ADIPOR2: variants seen among roughly 807,000 people sequenced by gnomAD.
The protein encoded by ADIPOR2 is adiponectin receptor 2.
ADIPOR2 carries 18 observed loss-of-function variants against 40.9 expected under a neutral mutation model. The observed-to-expected ratio is 0.44, with a 90% CI of 0.30 to 0.65. ADIPOR2 has a LOEUF of 0.65. Among genes scored for constraint, ADIPOR2 ranks in the 30% least tolerant of loss-of-function variants. The pLI, the probability that ADIPOR2 is intolerant of heterozygous loss-of-function variation, is 0.09. For synonymous variants in ADIPOR2, 165 were observed against 166.4 expected, an observed-to-expected ratio of 0.99 and a Z score of 0.06; for missense variants, 283 against 479.2, an observed-to-expected ratio of 0.59 and a Z score of 3.82.
chr12:1,763,759 G>A (rs1420492999), intron 2 of ADIPOR2, among the ~76,000 whole-genome samples: 2 of 152,086 alleles, frequency 1.3e-5, no homozygotes, highest in African/African-American at 4.8e-5. Flanking sequence ...CGGGCAGATC[G>A]CTTGAGCCCG....
chr12:1,733,885 T>C (rs1350171329), intron 1 of ADIPOR2, among the ~76,000 whole-genome samples: 4 of 152,092 alleles, frequency 2.6e-5, no homozygotes, highest in Non-Finnish European at 5.9e-5. Context: ...GGCGATAGTT[T>C]GCTGAGAATG....
chr12:1,714,517 C>T (rs536881106), intron 1 of ADIPOR2, among the ~76,000 whole-genome samples: 2 of 152,132 alleles, frequency 1.3e-5, no homozygotes, highest in East Asian at 1.9e-4. Context: ...TCGAGGAAGG[C>T]GGTAGGATTT....
chr12:1,731,434 A>C (rs993508130), intron 1 of ADIPOR2, among the ~76,000 whole-genome samples: 11 of 152,182 alleles, frequency 7.2e-5, no homozygotes, highest in Admixed American at 5.2e-4. Flanking sequence ...ATGTTGTACA[A>C]TCATCACACT....
chr12:1,777,548 G>A (rs569916128), intron 3 of ADIPOR2, among the ~76,000 whole-genome samples: 6 of 151,750 alleles, frequency 4.0e-5, no homozygotes, highest in East Asian at 1.9e-4. Flanking sequence ...CACCACACCC[G>A]GCTAATTTTT....
intron 1 of ADIPOR2, among the ~76,000 whole-genome samples, chr12:1,742,104 C>T (rs1033143669): frequency 2.6e-5 from 4 of 152,042 alleles, no homozygotes; most frequent in African/African-American, 9.7e-5. Context: ...TTTTCTCTCT[C>T]TCTTTTTTTA....
At chr12:1,780,398 C>A in intron 4 of ADIPOR2, 53 bp from the exon 5 acceptor site, 1 of 1,462,290 alleles carries the variant, frequency 6.8e-7, no homozygotes, top group Non-Finnish European at 9.2e-7. Context: ...AGTTATAATA[C>A]TGTCTCTTCT....
chr12:1,778,893 A>C lies in ADIPOR2; in HGVS notation c.463+868A>C, dbSNP rs116316748. Among the ~76,000 whole-genome samples, 525 of 152,304 alleles carry C rather than the reference A, an allele frequency of 3.4e-3. 3 individuals are homozygous for C. The highest frequency in any genetic ancestry group is 0.012 in the African/African-American group (502 of 41,574). On this transcript the variant is annotated intron_variant, in intron 4 of 7. Transcript: ENST00000357103. The stretch of plus-strand genomic sequence containing the variant: ...AGATGTTCTTCCAGAGAAGATCTAA[A>C]ATGGCCAATAAGCACATGAAAAGAT...
intron 3 of ADIPOR2, among the ~76,000 whole-genome samples, chr12:1,776,619 G>A (rs1862601878): frequency 6.6e-6 from 1 of 152,186 alleles, no homozygotes; most frequent in South Asian, 2.1e-4. Flanking sequence ...GAGGTTGACA[G>A]ACTTCCTACA....
intron 1 of ADIPOR2, among the ~76,000 whole-genome samples, chr12:1,723,466 A>G (rs1592588728): frequency 8.7e-5 from 2 of 22,910 alleles, no homozygotes; most frequent in Middle Eastern, 0.022. Context: ...CTCTACTGAA[A>G]AAAAAAAAAA....
chr12:1,713,263 A>G (rs1393927385), intron 1 of ADIPOR2, among the ~76,000 whole-genome samples: 1 of 152,166 alleles, frequency 6.6e-6, no homozygotes, highest in African/African-American at 2.4e-5. Context: ...TTGAGAGAAC[A>G]GGGTATAGGG....
At chr12:1,703,580 T>TA (rs2154441478) in intron 1 of ADIPOR2, among the ~76,000 whole-genome samples, 1 of 151,976 alleles carries the variant, frequency 6.6e-6, no homozygotes, top group African/African-American at 2.4e-5. Flanking sequence ...ACAAAAAACT[T>TA]AAAAAATTAG....
At chr12:1,706,052 A>G (rs2094661623) in intron 1 of ADIPOR2, among the ~76,000 whole-genome samples, 1 of 152,208 alleles carries the variant, frequency 6.6e-6, no homozygotes, top group African/African-American at 2.4e-5. Context: ...GTAGTAAAGT[A>G]ACAATTCACC....
chr12:1,781,184 T>G (rs952299413), intron 6 of ADIPOR2, 108 bp downstream of exon 6: 9 of 1,197,812 alleles, frequency 7.5e-6, no homozygotes, highest in Non-Finnish European at 9.1e-6. Context: ...GTATTTGTGA[T>G]GCCAAGATGA....
At chr12:1,784,129 C>G (rs1862783160) in intron 7 of ADIPOR2, 56 bp downstream of exon 7, 2 of 1,436,504 alleles carry the variant, frequency 1.4e-6, no homozygotes, top group African/African-American at 2.9e-5. Context: ...TTATTGGCAT[C>G]CTGCAGAGTG....
At chr12:1,783,544 G>T (rs1862768624) in intron 6 of ADIPOR2, among the ~76,000 whole-genome samples, 1 of 151,994 alleles carries the variant, frequency 6.6e-6, no homozygotes, top group South Asian at 2.1e-4. Flanking sequence ...GATTACAGGA[G>T]TGCGCTACCA....
chr12:1,704,828 CTTT>C (rs989361956), intron 1 of ADIPOR2, among the ~76,000 whole-genome samples: 3 of 152,100 alleles, frequency 2.0e-5, no homozygotes, highest in African/African-American at 7.2e-5. Flanking sequence ...CTAAATTTTT[CTTT>C]TTTCTTTTTA....
chr12:1,719,678 A>AT (rs2094694031), intron 1 of ADIPOR2, among the ~76,000 whole-genome samples: 1 of 148,202 alleles, frequency 6.7e-6, no homozygotes, highest in South Asian at 2.1e-4. Context: ...TTTTGTTTTC[A>AT]TCTTTTTTTT....
chr12:1,702,443 A>T (rs1165868795), intron 1 of ADIPOR2, among the ~76,000 whole-genome samples: 1 of 152,088 alleles, frequency 6.6e-6, no homozygotes, highest in East Asian at 1.9e-4. Flanking sequence ...CCATCTTCCG[A>T]TTGTTATGAT....
intron 2 of ADIPOR2, chr12:1,757,621 C>G: frequency 7.8e-7 from 1 of 1,281,818 alleles, no homozygotes; most frequent in Non-Finnish European, 1.1e-6. Flanking sequence ...ATGAGGGATT[C>G]CTTTTGTGCC....
Sources: gnomAD v4.1 joint callset for allele counts (sites outside exome capture counted in the v4.1 genomes callset) on GRCh38, gnomAD v4.1.1 for gene constraint, MANE v1.5 for transcripts, NCBI Gene and HGNC (gene_info 2026-07-23, HGNC 2026-07-21) for gene names.